Variants in ULK4 observed in about 807,000 individuals in gnomAD.
The protein encoded by ULK4 is unc-51 like kinase 4.
In ULK4, 133 loss-of-function variants were observed where a neutral mutation model predicts 160.6. The observed-to-expected ratio is 0.83, with a 90% CI of 0.72 to 0.96. ULK4 has a LOEUF of 0.96. Ranked by LOEUF, ULK4 falls within the 40% of genes least tolerant of loss-of-function variation. The pLI is 0.00. For missense variants in ULK4, 1,580 were observed against 1,499.5 expected (o/e 1.05, Z -0.89); for synonymous variants, 534 against 539.8 (o/e 0.99, Z 0.15).
intron 35 of ULK4, among the ~76,000 whole-genome samples, chr3:41,340,336 T>C (rs2125749746): frequency 6.6e-6 from 1 of 152,342 alleles, no homozygotes; most frequent in East Asian, 1.9e-4. Context: ...TACAGGCCTC[T>C]AGGAGAGAAG....
chr3:41,823,575 C>A (rs1025364883), intron 18 of ULK4, among the ~76,000 whole-genome samples: 1 of 152,078 alleles, frequency 6.6e-6, no homozygotes, highest in Non-Finnish European at 1.5e-5. Flanking sequence ...TGTCTGTAAG[C>A]CTGAAACCTT....
At chr3:41,312,276 A>T (rs1380947336) in intron 35 of ULK4, among the ~76,000 whole-genome samples, 2 of 152,164 alleles carry the variant, frequency 1.3e-5, no homozygotes, top group Admixed American at 1.3e-4. Flanking sequence ...CGCCAGGCTG[A>T]ATATTTACAA....
chr3:41,448,007 G>T (rs933636947), intron 34 of ULK4, among the ~76,000 whole-genome samples: 3 of 152,156 alleles, frequency 2.0e-5, no homozygotes, highest in African/African-American at 7.2e-5. Flanking sequence ...GAATAAATTT[G>T]TACTTGAATC....
At chr3:41,503,900 A>G (rs1036510440) in intron 32 of ULK4, among the ~76,000 whole-genome samples, 3 of 152,314 alleles carry the variant, frequency 2.0e-5, no homozygotes, top group Admixed American at 2.0e-4. Context: ...TTACCTCTAG[A>G]ACTTCAACAT....
chr3:41,806,794 A>T (rs1575742674), intron 19 of ULK4, among the ~76,000 whole-genome samples: 1 of 152,274 alleles, frequency 6.6e-6, no homozygotes, highest in African/African-American at 2.4e-5. Context: ...AAGCTTCATA[A>T]AAATTTTAAA....
At chr3:41,388,615 C>G (rs1267839476) in intron 35 of ULK4, among the ~76,000 whole-genome samples, 2 of 152,052 alleles carry the variant, frequency 1.3e-5, no homozygotes, top group African/African-American at 4.8e-5. Context: ...TTCCCAGCAC[C>G]ATTTGTTAAA....
intron 35 of ULK4, among the ~76,000 whole-genome samples, chr3:41,272,773 A>G (rs1463921463): frequency 6.6e-6 from 1 of 152,094 alleles, no homozygotes; most frequent in Non-Finnish European, 1.5e-5. Context: ...TCCAACAGTT[A>G]TCTTTATTTA....
intron 25 of ULK4, among the ~76,000 whole-genome samples, chr3:41,706,788 AC>A (rs1171216967): frequency 6.8e-6 from 1 of 148,104 alleles, no homozygotes; most frequent in Non-Finnish European, 1.5e-5. Flanking sequence ...AGATCATGCC[AC>A]TGCAGTCCAG....
chr3:41,784,510 G>T (rs1343188021), intron 21 of ULK4, among the ~76,000 whole-genome samples: 1 of 152,138 alleles, frequency 6.6e-6, no homozygotes, highest in East Asian at 1.9e-4. Context: ...TTAATCAAAA[G>T]TCCCCTCTCA....
In ULK4 at chr3:41,433,816, T is replaced by A. The variant is rs540071014; in HGVS notation, c.3492+21681A>T. ...CTCACTGCAACCTCCGCCTTCCGGG[T>A]TCACGCCGTTCTCCTGCCTCAGCCT... is the stretch of plus-strand genomic sequence containing the variant. On this transcript the variant is annotated intron_variant, in intron 34 of 36. Transcript: ENST00000301831. Among the ~76,000 whole-genome samples, 97 of 152,082 alleles carry A rather than the reference T, an allele frequency of 6.4e-4. 3 individuals carry two copies. Among genetic ancestry groups the A allele is most frequent in the Non-Finnish European group, 4.4e-4 (30 of 68,018 alleles).
rs565893476 is a variant in ULK4 at position 41,625,753 on chromosome 3, G to A, written c.3072-10036C>T. Among the ~76,000 whole-genome samples, 99 of 152,208 alleles carry A rather than the reference G, an allele frequency of 6.5e-4. 1 individual carries two copies. Among genetic ancestry groups the A allele is most frequent in the African/African-American group, 2.2e-3 (93 of 41,522 alleles). On this transcript the variant is annotated intron_variant, in intron 30 of 36. Transcript: ENST00000301831. ...CATGGGCTTGTTATATCCTAAATCC[G>A]AAAAGAATGAAATGTCTATAATTTA...
At chr3:41,348,338 C>G (rs1483305183) in intron 35 of ULK4, among the ~76,000 whole-genome samples, 2 of 151,580 alleles carry the variant, frequency 1.3e-5, no homozygotes, top group East Asian at 1.9e-4. Context: ...TTCAGCATTT[C>G]TGTGTGTCTA....
chr3:41,805,370 AAGG>A (rs2040608218), intron 19 of ULK4, among the ~76,000 whole-genome samples: 1 of 152,224 alleles, frequency 6.6e-6, no homozygotes, highest in South Asian at 2.1e-4. Flanking sequence ...TTATCAGCTT[AAGG>A]AGATTTTGGG....
intron 19 of ULK4, among the ~76,000 whole-genome samples, chr3:41,801,399 A>C (rs1025781609): frequency 1.3e-5 from 2 of 152,124 alleles, no homozygotes; most frequent in Admixed American, 1.3e-4. Flanking sequence ...TAGTTGGAAA[A>C]ATGCTTGAAA....
intron 34 of ULK4, among the ~76,000 whole-genome samples, chr3:41,438,759 C>T (rs997510700): frequency 3.2e-4 from 48 of 151,948 alleles, no homozygotes; most frequent in Non-Finnish European, 1.0e-4. Context: ...CTCAGGAGTT[C>T]GAGGCTGCCA....
chr3:41,862,742 G>A (rs956247281), intron 17 of ULK4, among the ~76,000 whole-genome samples: 4 of 150,888 alleles, frequency 2.7e-5, no homozygotes, highest in Admixed American at 6.6e-5. Context: ...ACTTTCTCCC[G>A]AACATACAGA....
chr3:41,462,250 G>A (rs1477794780), intron 33 of ULK4, among the ~76,000 whole-genome samples: 1 of 152,216 alleles, frequency 6.6e-6, no homozygotes. Flanking sequence ...CTCTGCTACT[G>A]TGACTTTGGC....
At chr3:41,637,441 C>T (rs189298410) in intron 30 of ULK4, among the ~76,000 whole-genome samples, 166 of 152,208 alleles carry the variant, frequency 1.1e-3, no homozygotes, top group Non-Finnish European at 1.8e-3. Flanking sequence ...ATTCGTTCAT[C>T]TATTGATGGA....
At chr3:41,369,832 A>T (rs1181703633) in intron 35 of ULK4, among the ~76,000 whole-genome samples, 1 of 151,402 alleles carries the variant, frequency 6.6e-6, no homozygotes, top group Non-Finnish European at 1.5e-5. Context: ...AATATATTTT[A>T]CTCTGTCACA....
Sources: gnomAD v4.1 joint callset for allele counts (sites outside exome capture counted in the v4.1 genomes callset) on GRCh38, gnomAD v4.1.1 for gene constraint, MANE v1.5 for transcripts, NCBI Gene and HGNC (gene_info 2026-07-23, HGNC 2026-07-21) for gene names.